PDE4D: variants seen among roughly 807,000 people sequenced by gnomAD.
PDE4D encodes the protein 3',5'-cyclic-AMP phosphodiesterase 4D.
Under a neutral mutation model 87.4 loss-of-function variants are expected in PDE4D, and 24 were observed. The ratio of observed to expected loss-of-function variants is 0.27; its 90% CI spans 0.20 to 0.39. The LOEUF (loss-of-function observed/expected upper bound fraction) is 0.39, where lower values mean the gene tolerates loss of function less well. PDE4D is among the 10% of genes least tolerant of loss of function. The pLI, the probability that PDE4D is intolerant of heterozygous loss-of-function variation, is 1.00. For synonymous variants in PDE4D, 384 were observed against 383.2 expected (o/e 1.00, Z -0.02); for missense variants, 714 against 1,041.0 (o/e 0.69, Z 4.32).
chr5:59,083,137 T>C (rs953188368), intron 5 of PDE4D, among the ~76,000 whole-genome samples: 1 of 152,156 alleles, frequency 6.6e-6, no homozygotes, highest in African/African-American at 2.4e-5. Flanking sequence ...AGTTTGACTA[T>C]CAATTTTGGG....
chr5:59,883,882 T>C (rs558676625), intron 1 of PDE4D, among the ~76,000 whole-genome samples: 1 of 152,296 alleles, frequency 6.6e-6, no homozygotes, highest in Admixed American at 6.5e-5. Flanking sequence ...GATGTCCTCA[T>C]GTTTATCTTT....
chr5:59,603,285 A>T (rs891889728), intron 1 of PDE4D, among the ~76,000 whole-genome samples: 2 of 151,996 alleles, frequency 1.3e-5, no homozygotes, highest in African/African-American at 4.8e-5. Flanking sequence ...AAAATATAAG[A>T]AACTCAAACA....
intron 3 of PDE4D, among the ~76,000 whole-genome samples, chr5:59,950,755 T>A (rs1366969574): frequency 2.6e-5 from 4 of 152,132 alleles, no homozygotes; most frequent in African/African-American, 9.6e-5. Flanking sequence ...ATCTTTTGGC[T>A]TTCTGAGAAA....
intron 1 of PDE4D, among the ~76,000 whole-genome samples, chr5:59,738,506 C>A (rs1758397181): frequency 6.6e-6 from 1 of 151,786 alleles, no homozygotes; most frequent in South Asian, 2.1e-4. Flanking sequence ...GAATACACAC[C>A]TATTCAAGAA....
intron 2 of PDE4D, among the ~76,000 whole-genome samples, chr5:60,060,138 T>A (rs1411491117): frequency 6.6e-6 from 1 of 152,056 alleles, no homozygotes; most frequent in Non-Finnish European, 1.5e-5. Flanking sequence ...TATGAGAGAT[T>A]TAAGAAAATC....
At position 60,210,365 on chromosome 5, in the gene PDE4D, C is replaced by A. The variant is rs1057069590; in HGVS notation, c.-89-24678G>T. On this transcript the variant is annotated intron_variant, in intron 1 of 16. Transcript: ENST00000502484. ...CTCATTTGTTTTTTTTTTAAAAAAACAACTTTTAAAACCACATGCTAAAAT... is the reference window on the plus strand; with the variant it reads ...CTCATTTGTTTTTTTTTTAAAAAAAAAACTTTTAAAACCACATGCTAAAAT... 7.8e-4 allele frequency among the ~76,000 whole-genome samples: 118 copies of A among 151,226 alleles called. 1 individual carries two copies. The highest frequency in any genetic ancestry group is 2.5e-3 in the African/African-American group (101 of 41,200).
chr5:59,052,163 TG>T (rs1761650589), intron 5 of PDE4D, among the ~76,000 whole-genome samples: 2 of 152,262 alleles, frequency 1.3e-5, no homozygotes, highest in Admixed American at 1.3e-4. Context: ...TCATTCAGCC[TG>T]GGAGTGCTAC....
At chr5:60,113,803 CA>C (rs1777898824) in intron 2 of PDE4D, among the ~76,000 whole-genome samples, 1 of 152,096 alleles carries the variant, frequency 6.6e-6, no homozygotes, top group African/African-American at 2.4e-5. Flanking sequence ...AATGTACTCA[CA>C]GTATTAAACA....
chr5:60,307,549 A>G (rs1372207558), intron 1 of PDE4D, among the ~76,000 whole-genome samples: 1 of 152,146 alleles, frequency 6.6e-6, no homozygotes, highest in African/African-American at 2.4e-5. Context: ...TAGCCTCTAA[A>G]TTCAGCCAGA....
intron 1 of PDE4D, among the ~76,000 whole-genome samples, chr5:59,441,367 G>A (rs1020737847): frequency 8.5e-5 from 13 of 152,168 alleles, no homozygotes; most frequent in African/African-American, 1.4e-4. Context: ...AAAGTGCTGC[G>A]ATTACAGGCG....
At chr5:59,671,072 GA>G (rs1365429061) in intron 1 of PDE4D, among the ~76,000 whole-genome samples, 2 of 152,188 alleles carry the variant, frequency 1.3e-5, no homozygotes, top group Admixed American at 1.3e-4. Context: ...AGTAGAATGA[GA>G]TATGAGTTCT....
At chr5:60,520,901 C>A (rs1056643730) in intron 1 of PDE4D, 1 of 152,502 alleles carries the variant, frequency 6.6e-6, no homozygotes, top group African/African-American at 2.4e-5. Flanking sequence ...GACAGGCAGC[C>A]AGAGTCTCTG....
chr5:59,581,350 AC>A (rs1202163209), intron 1 of PDE4D, among the ~76,000 whole-genome samples: 2 of 152,204 alleles, frequency 1.3e-5, no homozygotes, highest in Non-Finnish European at 2.9e-5. Flanking sequence ...TTTTCTCTGA[AC>A]CCAAATACCT....
intron 1 of PDE4D, among the ~76,000 whole-genome samples, chr5:60,500,895 CCTCTAACAG>C (rs1750037271): frequency 6.6e-6 from 1 of 152,128 alleles, no homozygotes; most frequent in Non-Finnish European, 1.5e-5. Flanking sequence ...ATAATTAACT[CCTCTAACAG>C]CTGAGGCAAC....
At chr5:59,037,779 G>A (rs1294885631) in intron 6 of PDE4D, among the ~76,000 whole-genome samples, 2 of 151,938 alleles carry the variant, frequency 1.3e-5, no homozygotes, top group African/African-American at 4.8e-5. Flanking sequence ...CTGTTATGCC[G>A]TGGCCTTTTT....
At chr5:60,202,708 C>T (rs901468278) in intron 1 of PDE4D, among the ~76,000 whole-genome samples, 4 of 150,264 alleles carry the variant, frequency 2.7e-5, no homozygotes, top group Non-Finnish European at 4.4e-5. Context: ...ATCAACCATG[C>T]GAGAAAACAA....
intron 5 of PDE4D, among the ~76,000 whole-genome samples, chr5:59,160,240 G>A (rs1456504653): frequency 1.3e-5 from 2 of 152,206 alleles, no homozygotes; most frequent in South Asian, 2.1e-4. Context: ...CATATAATAC[G>A]AAGGATTATA....
At chr5:58,996,480 T>A (rs1447181994) in intron 6 of PDE4D, among the ~76,000 whole-genome samples, 1 of 152,172 alleles carries the variant, frequency 6.6e-6, no homozygotes, top group Non-Finnish European at 1.5e-5. Flanking sequence ...AAGTCTTTTT[T>A]TTCATAAAAG....
In PDE4D at chr5:60,079,020, C is replaced by T. The variant is rs139080092; in HGVS notation, c.43-90303G>A. Among the ~76,000 whole-genome samples, 1,108 of 152,266 alleles carry T rather than the reference C, an allele frequency of 7.3e-3. 11 individuals are homozygous for T. Among genetic ancestry groups the T allele is most frequent in the African/African-American group, 0.025 (1,054 of 41,552 alleles). On this transcript the variant is annotated intron_variant, in intron 2 of 16. Transcript: ENST00000502484. The stretch of plus-strand genomic sequence containing the variant: ...TTCCACCAACAATGTAAAAGCATTC[C>T]TATTTCTCCACAACCTTGCCAGCAT...
Sources: allele counts gnomAD v4.1 joint callset (sites outside exome capture counted in the v4.1 genomes callset), GRCh38; gene constraint gnomAD v4.1.1; transcripts MANE v1.5; gene names NCBI Gene and HGNC (gene_info 2026-07-23, HGNC 2026-07-21).